ADGRL2: variants seen among roughly 807,000 people sequenced by gnomAD.
ADGRL2 encodes calcium-independent alpha-latrotoxin receptor 2.
Under a neutral mutation model 157.4 loss-of-function variants are expected in ADGRL2, and 44 were observed. That is an observed-to-expected ratio of 0.28 (90% CI 0.22 to 0.36). The LOEUF is 0.36. Ranked by LOEUF, ADGRL2 falls within the 10% of genes least tolerant of loss-of-function variation. The pLI, the probability that ADGRL2 is intolerant of heterozygous loss-of-function variation, is 1.00. For missense variants in ADGRL2, 1,510 were observed against 1,768.9 expected, an observed-to-expected ratio of 0.85 and a Z score of 2.63; for synonymous variants, 585 against 624.7, an observed-to-expected ratio of 0.94 and a Z score of 0.95.
chr1:81,672,091 C>T (rs1467997659), intron 3 of ADGRL2, among the ~76,000 whole-genome samples: 1 of 152,174 alleles, frequency 6.6e-6, no homozygotes, highest in African/African-American at 2.4e-5. Context: ...CTGATTCCTC[C>T]TTCATATTAA....
chr1:81,855,248 G>A (rs994920831), intron 2 of ADGRL2, among the ~76,000 whole-genome samples: 1 of 152,020 alleles, frequency 6.6e-6, no homozygotes, highest in Non-Finnish European at 1.5e-5. Flanking sequence ...AGATCAGCCT[G>A]GGTAACATAG....
At chr1:81,924,587 A>G (rs1253896882) in intron 3 of ADGRL2, among the ~76,000 whole-genome samples, 2 of 152,128 alleles carry the variant, frequency 1.3e-5, no homozygotes, top group Admixed American at 6.6e-5. Context: ...TAAGTCAATC[A>G]GATTCTCTGG....
At chr1:81,500,425 A>C (rs1395677328) in intron 2 of ADGRL2, among the ~76,000 whole-genome samples, 1 of 152,246 alleles carries the variant, frequency 6.6e-6, no homozygotes, top group Non-Finnish European at 1.5e-5. Flanking sequence ...AGATGAATGG[A>C]TAAACAAAAT....
intron 17 of ADGRL2, among the ~76,000 whole-genome samples, chr1:81,977,242 G>A (rs1473951841): frequency 6.6e-5 from 10 of 151,722 alleles, no homozygotes; most frequent in Admixed American, 2.0e-4. Flanking sequence ...TTTATTTTCT[G>A]AACTTGTATT....
At chr1:81,871,728 G>T (rs2093699818) in intron 2 of ADGRL2, among the ~76,000 whole-genome samples, 1 of 152,176 alleles carries the variant, frequency 6.6e-6, no homozygotes, top group Admixed American at 6.6e-5. Context: ...CTGCATAAAT[G>T]TCTTCTTTTG....
At chr1:81,489,747 A>G (rs557575010) in intron 2 of ADGRL2, among the ~76,000 whole-genome samples, 52 of 152,326 alleles carry the variant, frequency 3.4e-4, no homozygotes, top group African/African-American at 1.1e-3. Context: ...GGGATCCATA[A>G]TAAGTTTATC....
chr1:81,872,607 T>C (rs927239290), intron 2 of ADGRL2, among the ~76,000 whole-genome samples: 4 of 152,096 alleles, frequency 2.6e-5, no homozygotes, highest in Non-Finnish European at 5.9e-5. Context: ...TACTGGACTT[T>C]TGTGTTTCAG....
At chr1:81,575,128 G>A (rs1333302661) in intron 2 of ADGRL2, among the ~76,000 whole-genome samples, 1 of 152,152 alleles carries the variant, frequency 6.6e-6, no homozygotes, top group Non-Finnish European at 1.5e-5. Flanking sequence ...CAATGGCAAA[G>A]TGTGTTTTCT....
intron 8 of ADGRL2, 109 bp downstream of exon 8, chr1:81,951,230 T>C: frequency 1.5e-6 from 1 of 681,976 alleles, no homozygotes; most frequent in Non-Finnish European, 2.5e-6. Flanking sequence ...CTTTGTTCAG[T>C]ATAAAAGTAA....
chr1:81,364,194 G>A (rs1328426954), intron 1 of ADGRL2, among the ~76,000 whole-genome samples: 5 of 143,748 alleles, frequency 3.5e-5, no homozygotes, highest in Admixed American at 7.3e-5. Flanking sequence ...GGAAGGTTGA[G>A]CCTTGAAAGT....
intron 1 of ADGRL2, among the ~76,000 whole-genome samples, chr1:81,809,882 T>A (rs2089644285): frequency 6.6e-6 from 1 of 151,968 alleles, no homozygotes; most frequent in Admixed American, 6.6e-5. Flanking sequence ...CTGTCAAATA[T>A]ATCTATATCT....
chr1:81,668,849 C>T (rs995749804), intron 3 of ADGRL2, among the ~76,000 whole-genome samples: 2 of 152,044 alleles, frequency 1.3e-5, no homozygotes, highest in African/African-American at 2.4e-5. Flanking sequence ...GGATTACAGG[C>T]GTGAGCCACT....
intron 1 of ADGRL2, among the ~76,000 whole-genome samples, chr1:81,803,574 G>A (rs1252890770): frequency 1.3e-5 from 2 of 151,308 alleles, no homozygotes; most frequent in Admixed American, 6.6e-5. Context: ...CCTCCATTCC[G>A]TTCTTCCCGA....
intron 3 of ADGRL2, among the ~76,000 whole-genome samples, chr1:81,671,268 G>GA (rs1037477278): frequency 1.3e-5 from 2 of 152,202 alleles, no homozygotes; most frequent in African/African-American, 4.8e-5. Flanking sequence ...AGGCCATTTG[G>GA]ACAGGAAATT....
At chr1:81,660,204 A>C (rs572398239) in intron 3 of ADGRL2, among the ~76,000 whole-genome samples, 47 of 152,324 alleles carry the variant, frequency 3.1e-4, no homozygotes, top group African/African-American at 1.1e-3. Flanking sequence ...AGATGACAAA[A>C]GTACACTTCT....
chr1:81,454,077 C>T (rs1243602487), intron 2 of ADGRL2, among the ~76,000 whole-genome samples: 1 of 151,980 alleles, frequency 6.6e-6, no homozygotes, highest in Non-Finnish European at 1.5e-5. Flanking sequence ...ATGAGGATTA[C>T]TGACAGAGAA....
intron 1 of ADGRL2, among the ~76,000 whole-genome samples, chr1:81,377,042 A>G (rs2101024319): frequency 6.6e-6 from 1 of 152,214 alleles, no homozygotes; most frequent in Admixed American, 6.5e-5. Flanking sequence ...ATTTTTTTTT[A>G]ATTAGCTGGG....
chr1:81,707,726 A>T (rs2083785147), intron 1 of ADGRL2, among the ~76,000 whole-genome samples: 1 of 152,170 alleles, frequency 6.6e-6, no homozygotes, highest in Admixed American at 6.5e-5. Context: ...CTGATAACAA[A>T]TACCACCATA....
rs560506896 is a variant in ADGRL2, at chr1:81,632,675, C to T, written c.-143+51695C>T. Among the ~76,000 whole-genome samples the T allele has an allele frequency of 9.2e-5, 14 of 151,790 alleles. No individual in the cohort carries two copies. The South Asian group carries it at 2.3e-3, about 25-fold the overall frequency. ...TCGGGAGGCTGAGGCAGGAGAATAG[C>T]GTGAACCCGGGAGGCGGAGCTCGCA... On this transcript the variant is annotated intron_variant, in intron 3 of 24. Transcript: ENST00000370721.
Sources: allele counts gnomAD v4.1 joint callset (sites outside exome capture counted in the v4.1 genomes callset), GRCh38; gene constraint gnomAD v4.1.1; transcripts MANE v1.5; gene names NCBI Gene and HGNC (gene_info 2026-07-23, HGNC 2026-07-21).